The following APPL1 variants were observed in gnomAD, a reference collection of about 807,000 sequenced individuals.
APPL1 encodes the protein adaptor protein, phosphotyrosine interacting with PH domain and leucine zipper 1.
Under a neutral mutation model 106.8 loss-of-function variants are expected in APPL1, and 42 were observed. The ratio of observed to expected loss-of-function variants is 0.39; its 90% confidence interval spans 0.31 to 0.51. The LOEUF (loss-of-function observed/expected upper bound fraction) is 0.51, where lower values mean the gene tolerates loss of function less well. APPL1 is among the 20% of genes least tolerant of loss of function. APPL1 has a pLI of 0.75. For synonymous variants in APPL1, 263 were observed against 281.8 expected, an observed-to-expected ratio of 0.93 and a Z score of 0.67; for missense variants, 769 against 858.2, an observed-to-expected ratio of 0.90 and a Z score of 1.30.
intron 19 of APPL1, 85 bp from the exon 20 acceptor site, chr3:57,267,657 C>T (rs2060901837): frequency 1.8e-6 from 2 of 1,137,490 alleles, no homozygotes; most frequent in African/African-American, 1.5e-5. Context: ...AGTTATAAAA[C>T]TAGTTCCATC....
In APPL1 at chr3:57,228,437, G is replaced by A. The variant is rs753358936; in HGVS notation, c.54+500G>A. Among the ~76,000 whole-genome samples the A allele has an allele frequency of 3.9e-5, 6 of 152,192 alleles. No individual in the cohort carries two copies. Among genetic ancestry groups the A allele is most frequent in the Non-Finnish European group, 8.8e-5 (6 of 68,042 alleles). On this transcript the variant is annotated intron_variant, in intron 1 of 21. Transcript: ENST00000288266. This position sits in a 1 kb window ranked among gnomAD's most constrained non-coding sequence, Gnocchi z 4.6. Reference sequence around the variant, plus strand: ...GTGTGGAGCCCTAATGGCAAAGCCCGTGACGGGTCCCGGAGCCCAAGACCG... The same window carrying A: ...GTGTGGAGCCCTAATGGCAAAGCCCATGACGGGTCCCGGAGCCCAAGACCG...
intron 12 of APPL1, 119 bp downstream of exon 12, chr3:57,252,430 T>C: frequency 1.5e-6 from 1 of 669,412 alleles, no homozygotes; most frequent in Non-Finnish European, 2.5e-6. Context: ...TTAAAAATCT[T>C]TCTTTTTCTT....
rs184815010 is a variant in APPL1, at chr3:57,253,848, C to A, written c.1152+110C>A. On this transcript the variant is annotated intron_variant, in intron 13 of 21. Transcript: ENST00000288266. ...CAGGTTCTGTAATTTTTTAATTTGA[C>A]CTTGAATGAGTAGCTTTTTTTTTTT... The A allele has an allele frequency of 5.4e-5, 47 of 877,842 alleles. No homozygotes were observed. In the African/African-American group the frequency reaches 8.1e-4, roughly 15 times the overall value. The allele number at this position is 877,842 out of a possible 1,614,324, so 54.4% of individuals were successfully genotyped here. A position where few individuals can be genotyped will look rare whatever the true frequency, so the allele number is the denominator to read the frequency against.
intron 1 of APPL1, chr3:57,230,772 G>GT: frequency 2.2e-6 from 1 of 456,772 alleles, no homozygotes. Context: ...CTCATGGTAA[G>GT]TTTTTTGTTT....
rs1447873450 is a variant in APPL1 at position 57,271,452 on chromosome 3, G to A, written c.*1765G>A. 1 of 152,454 alleles carries A rather than the reference G, an allele frequency of 6.6e-6. No homozygotes were observed. Among genetic ancestry groups the A allele is most frequent in the Non-Finnish European group, 1.5e-5 (1 of 68,012 alleles). 9.4% of individuals were successfully genotyped at this position (152,454 alleles called of 1,614,324 possible). A position where few individuals can be genotyped will look rare whatever the true frequency, so the allele number is the denominator to read the frequency against. On this transcript the variant is annotated 3_prime_UTR_variant, in exon 22 of 22. Transcript: ENST00000288266. ...AATAGTGTATCAGTTCTTTTGTTTTGTTAAAGTTGGAATTTATTCTGTTGC... is the reference window on the plus strand; with the variant it reads ...AATAGTGTATCAGTTCTTTTGTTTTATTAAAGTTGGAATTTATTCTGTTGC...
Position 57,269,601 on chromosome 3 carries a change from G to A in APPL1, c.2044G>A (p.Glu682Lys). The stretch of plus-strand genomic sequence containing the variant: ...CAGTAGACCAAACCAAGCCAGTAGT[G>A]AGGGGCAGTTTGTTGTCCTTAGCAG... ...ASSRPNQASS[E>K]GQFVVLSSSQ... The change falls in exon 22 of 22, where the codon GAG becomes AAG. Residue 682 changes from glutamate (E) to lysine (K), a missense_variant. Coordinates refer to ENST00000288266, the MANE Select transcript of APPL1 (RefSeq NM_012096.3). The A allele has an allele frequency of 6.2e-7, 1 of 1,614,138 alleles. No homozygotes were observed. The highest frequency in any genetic ancestry group is 1.1e-5 in the South Asian group (1 of 91,072).
At chr3:57,230,269 C>G (rs1044964187) in intron 1 of APPL1, among the ~76,000 whole-genome samples, 2 of 152,198 alleles carry the variant, frequency 1.3e-5, no homozygotes, top group Non-Finnish European at 2.9e-5. Context: ...TTCAACTTCT[C>G]TGAACCTCAG....
Position 57,259,972 on chromosome 3 carries a change from C to A in APPL1, c.1611C>A (p.Ile537=). Reference sequence around the variant, plus strand: ...TAGCTGCCCGGGCCATCCATAACATCTTTCGTATGACAGAATCGCATTTAT... The same window carrying A: ...TAGCTGCCCGGGCCATCCATAACATATTTCGTATGACAGAATCGCATTTAT... The part of the protein sequence containing the change: ...QILAARAIHN[I]FRMTESHLLV... Residue 537 remains isoleucine, a synonymous_variant, in exon 17 of 22, where the codon ATC becomes ATA. Coordinates refer to ENST00000288266, the MANE Select transcript of APPL1 (RefSeq NM_012096.3). The A allele has an allele frequency of 6.2e-7, 1 of 1,613,988 alleles. No homozygotes were observed. Among genetic ancestry groups the A allele is most frequent in the Non-Finnish European group, 8.5e-7 (1 of 1,179,976 alleles).
intron 16 of APPL1, 22 bp downstream of exon 16, chr3:57,259,102 CAT>C (rs2060851942): frequency 5.6e-6 from 9 of 1,595,002 alleles, no homozygotes; most frequent in Non-Finnish European, 7.7e-6. Context: ...GTGCAGCATT[CAT>C]ATATTTTAGA....
rs1009239525 is a variant in APPL1, at chr3:57,270,419, G to A, written c.*732G>A. The A allele has an allele frequency of 1.3e-5, 2 of 152,616 alleles. No homozygotes were observed. Among genetic ancestry groups the A allele is most frequent in the African/African-American group, 4.8e-5 (2 of 41,452 alleles). The allele number at this position is 152,616 out of a possible 1,614,324, so 9.5% of individuals were successfully genotyped here. ...TTGGGACTTCAATTACTGCTGCAGA[G>A]CAGTAGTGGTTAAAAATAAGATATT... On this transcript the variant is annotated 3_prime_UTR_variant, in exon 22 of 22. Coordinates refer to ENST00000288266, the MANE Select transcript of APPL1 (RefSeq NM_012096.3).
intron 2 of APPL1, among the ~76,000 whole-genome samples, chr3:57,236,192 G>GCAC: frequency 6.6e-6 from 1 of 152,056 alleles, no homozygotes; most frequent in Middle Eastern, 3.4e-3. Flanking sequence ...TTACAGGCAT[G>GCAC]CACCAGCACG....
chr3:57,248,088 C>T (rs984045039), intron 9 of APPL1, 105 bp from the exon 10 acceptor site: 7 of 1,207,560 alleles, frequency 5.8e-6, no homozygotes. Flanking sequence ...TGCCGCTCTT[C>T]CTCTCTTTAA....
In APPL1 at chr3:57,252,248, CAAA is replaced by C; in HGVS notation, c.1053-20_1053-18del. On this transcript the variant is annotated intron_variant, in intron 11 of 21. Transcript: ENST00000288266. ...AATACTTTTTTAAACAGTTGAGGCTCAAACGTCTCTTCTCTTCCAGATCTTCAA... is the reference window on the plus strand; with the variant it reads ...AATACTTTTTTAAACAGTTGAGGCTCCGTCTCTTCTCTTCCAGATCTTCAA... 3.1e-6 allele frequency: 5 copies of C among 1,600,336 alleles called. No homozygotes were observed. Among genetic ancestry groups the C allele is most frequent in the Non-Finnish European group, 3.4e-6 (4 of 1,173,670 alleles).
chr3:57,246,210 C>T lies in APPL1; in HGVS notation c.609C>T (p.Tyr203=), dbSNP rs917922488. Residue 203 remains tyrosine (Y), a synonymous_variant, in exon 8 of 22, where the codon TAC becomes TAT. Coordinates refer to ENST00000288266, the MANE Select transcript of APPL1 (RefSeq NM_012096.3). ...KIALLEPLLG[Y]MQAQISFFKM... ...CATTGTTAGAACCTCTACTTGGGTA[C>T]ATGCAAGCTCAGGTAAATACTGTAC... The T allele has an allele frequency of 6.3e-6, 10 of 1,598,816 alleles. No homozygotes were observed. Among genetic ancestry groups the T allele is most frequent in the Admixed American group, 1.8e-5 (1 of 56,334 alleles).
intron 19 of APPL1, among the ~76,000 whole-genome samples, chr3:57,263,451 G>C (rs1450707879): frequency 6.8e-6 from 1 of 146,668 alleles, no homozygotes; most frequent in Non-Finnish European, 1.5e-5. Flanking sequence ...CTGTTCTCTG[G>C]CTCCATGAGT....
chr3:57,248,824 CCCA>C (rs1436697050), intron 10 of APPL1, among the ~76,000 whole-genome samples: 1 of 151,746 alleles, frequency 6.6e-6, no homozygotes, highest in Non-Finnish European at 1.5e-5. Flanking sequence ...GAGCCGAGAT[CCCA>C]CCACTGCACT....
At chr3:57,266,876 C>T (rs575925600) in intron 19 of APPL1, among the ~76,000 whole-genome samples, 2 of 152,272 alleles carry the variant, frequency 1.3e-5, no homozygotes, top group African/African-American at 4.8e-5. Flanking sequence ...AGTTCTTTGT[C>T]ACTTTTGTTA....
intron 10 of APPL1, among the ~76,000 whole-genome samples, chr3:57,249,018 A>T (rs568844497): frequency 6.6e-6 from 1 of 152,308 alleles, no homozygotes; most frequent in East Asian, 1.9e-4. Context: ...TCACCTGATG[A>T]TAGGATGAAG....
intron 13 of APPL1, 24 bp from the exon 14 acceptor site, chr3:57,256,933 C>G (rs749064306): frequency 6.9e-6 from 11 of 1,603,846 alleles, no homozygotes; most frequent in Non-Finnish European, 9.4e-6. Context: ...TAATATTAGT[C>G]CTTTTTTAAA....
Sources: allele counts gnomAD v4.1 joint callset (sites outside exome capture counted in the v4.1 genomes callset), GRCh38; gene constraint gnomAD v4.1.1; non-coding constraint Gnocchi (gnomAD v3.1); transcripts MANE v1.5; gene names NCBI Gene and HGNC (gene_info 2026-07-23, HGNC 2026-07-21).